Variants in IRX2 observed in about 807,000 individuals in gnomAD.
IRX2 encodes the protein iroquois-class homeodomain protein IRX-2.
IRX2 carries 26 observed loss-of-function variants against 42.9 expected under a neutral mutation model. That is an observed-to-expected ratio of 0.61 (90% confidence interval 0.44 to 0.84). IRX2 has a LOEUF of 0.84. Among genes scored for constraint, IRX2 ranks in the 40% least tolerant of loss-of-function variants. The pLI is 0.00. For synonymous variants in IRX2, 424 were observed against 353.9 expected (o/e 1.20, Z -2.22); for missense variants, 782 against 713.9 (o/e 1.10, Z -1.09).
downstream of IRX2, among the ~76,000 whole-genome samples, chr5:2,741,279 C>T (rs2962563): frequency 0.72 from 110,092 of 152,180 alleles, 40,873 homozygotes; most frequent in Non-Finnish European, 0.81. Context: ...AGACCTGTGG[C>T]TGCTGCCAGC....
At chr5:2,742,830 T>C (rs1325304193), downstream of IRX2, among the ~76,000 whole-genome samples, 1 of 152,198 alleles carries the variant, frequency 6.6e-6, no homozygotes, top group Non-Finnish European at 1.5e-5. Context: ...TGATGTCTGT[T>C]TAATTAGGCT....
chr5:2,738,415 G>A, the IRX2 span, among the ~76,000 whole-genome samples: 1 of 152,206 alleles, frequency 6.6e-6, no homozygotes, highest in Admixed American at 6.5e-5. Flanking sequence ...GAGCCAGGGA[G>A]AATAAACCTG....
intron 3 of IRX2, among the ~76,000 whole-genome samples, chr5:2,748,117 T>C (rs1192342328): frequency 2.6e-5 from 4 of 152,270 alleles, no homozygotes; most frequent in Middle Eastern, 3.4e-3. Context: ...ATAGTCAAAA[T>C]AACAGTAAAT....
rs769955868 is a variant in IRX2 at position 2,748,995 on chromosome 5, C to T, written c.713G>A (p.Gly238Glu). 1.9e-6 allele frequency: 3 copies of T among 1,597,542 alleles called. No homozygotes were observed. Among genetic ancestry groups the T allele is most frequent in the South Asian group, 1.1e-5 (1 of 90,912 alleles). The part of the protein sequence containing the change: ...TDHSCSAESD[G>E]EKLPCRAGDP... ...CCCGGCGCGGCACGGAAGCTTCTCC[C>T]CGTCCGACTCGGCCGAGCACGAGTG... The change falls in exon 3 of 4, where the codon GGG becomes GAG. Residue 238 changes from glycine (G) to glutamate (E), a missense_variant. Physicochemically the swap from Gly to Glu is moderately conservative, Grantham distance 98. Transcript: ENST00000302057.
At chr5:2,743,663 A>T (rs536506293), downstream of IRX2, among the ~76,000 whole-genome samples, 4 of 152,186 alleles carry the variant, frequency 2.6e-5, no homozygotes, top group East Asian at 7.7e-4. Flanking sequence ...GCAAACTTCT[A>T]TCTTGGAGGG....
the IRX2 span, chr5:2,737,424 G>T: frequency 1.3e-5 from 2 of 152,194 alleles, no homozygotes; most frequent in African/African-American, 4.8e-5. Context: ...TTCTGTGCCC[G>T]CTGGCCTTCC....
intron 1 of IRX2, 145 bp from the exon 2 acceptor site, chr5:2,749,932 G>C (rs927487705): frequency 2.5e-6 from 2 of 813,062 alleles, no homozygotes; most frequent in African/African-American, 3.5e-5. Context: ...CAAAAGAGCA[G>C]GAAAAACGCA....
chr5:2,742,034 G>A (rs1450061956), downstream of IRX2, among the ~76,000 whole-genome samples: 1 of 152,182 alleles, frequency 6.6e-6, no homozygotes, highest in African/African-American at 2.4e-5. Context: ...TAGAAAGAGA[G>A]AGAACACTCT....
chr5:2,748,862 G>T lies in IRX2; in HGVS notation c.846C>A (p.Pro282=). Residue 282 remains proline, a synonymous_variant, in exon 3 of 4, where the codon CCC becomes CCA. Transcript: ENST00000302057. ...EGERGLAPPK[P]VTSSPLTGLE... Reference sequence around the variant, plus strand: ...AGCCGGTAAGCGGCGACGAGGTCACGGGCTTGGGCGGCGCCAGGCCCCGCT... The same window carrying T: ...AGCCGGTAAGCGGCGACGAGGTCACTGGCTTGGGCGGCGCCAGGCCCCGCT... 6.3e-7 allele frequency: 1 copy of T among 1,587,474 alleles called. No homozygotes were observed. Among genetic ancestry groups the T allele is most frequent in the Non-Finnish European group, 8.5e-7 (1 of 1,175,904 alleles).
chr5:2,736,214 G>A, the IRX2 span, among the ~76,000 whole-genome samples: 1 of 152,164 alleles, frequency 6.6e-6, no homozygotes, highest in Non-Finnish European at 1.5e-5. Flanking sequence ...GGAGGATGAG[G>A]TTCAGCAGGG....
At chr5:2,744,097 T>C (rs1579622037), downstream of IRX2, among the ~76,000 whole-genome samples, 1 of 151,660 alleles carries the variant, frequency 6.6e-6, no homozygotes, top group East Asian at 1.9e-4. Context: ...TGTGTGTGTG[T>C]GTGTGTGTGT....
chr5:2,739,828 G>T, the IRX2 span, among the ~76,000 whole-genome samples: 1 of 152,232 alleles, frequency 6.6e-6, no homozygotes, highest in Non-Finnish European at 1.5e-5. Context: ...CGGGAGCAGG[G>T]GGACTGGGAG....
rs775726682 is a variant in IRX2, at chr5:2,751,249, C to T, written c.165G>A (p.Thr55=). Reference sequence around the variant, plus strand: ...TCCCGAAGCCGGTGGCCGCCTGCGCCGTGAAGGCCGCCGAGCCCGGGTAGG... The same window carrying T: ...TCCCGAAGCCGGTGGCCGCCTGCGCTGTGAAGGCCGCCGAGCCCGGGTAGG... ...FSPYPGSAAF[T]AQAATGFGSP... The change falls in exon 1 of 4, where the codon ACG becomes ACA. Residue 55 remains threonine, a synonymous_variant. Transcript: ENST00000302057. This position sits in a 1 kb window ranked among gnomAD's most constrained non-coding sequence, Gnocchi z 4.0. 2 of 1,400,354 alleles carry T rather than the reference C, an allele frequency of 1.4e-6. No individual in the cohort carries two copies. The highest frequency in any genetic ancestry group is 2.8e-5 in the Admixed American group (1 of 35,940). 86.7% of individuals were successfully genotyped at this position (1,400,354 alleles called of 1,614,324 possible). A position where few individuals can be genotyped will look rare whatever the true frequency, so the allele number is the denominator to read the frequency against.
downstream of IRX2, among the ~76,000 whole-genome samples, chr5:2,742,698 T>C (rs1271581125): frequency 6.6e-6 from 1 of 152,252 alleles, no homozygotes; most frequent in Non-Finnish European, 1.5e-5. Context: ...TATATAGTGA[T>C]AATTATTGTA....
the IRX2 span, among the ~76,000 whole-genome samples, chr5:2,739,691 G>A: frequency 1.3e-5 from 2 of 152,196 alleles, no homozygotes; most frequent in African/African-American, 4.8e-5. Flanking sequence ...GTTTCCCGGC[G>A]CTCTGCGGCG....
In IRX2 at chr5:2,748,925, G is replaced by C. The variant is rs747472490; in HGVS notation, c.783C>G (p.Asp261Glu). The change falls in exon 3 of 4, where the codon GAC (aspartate) becomes GAG (glutamate). Residue 261 changes from aspartate to glutamate, a missense_variant. Transcript: ENST00000302057. ...ESGSECKDKYDDLEDDEDDDE... is the reference protein window; with the variant it reads ...ESGSECKDKYEDLEDDEDDDE... ...CGTCGTCCTCGTCGTCCTCCAGGTC[G>C]TCATACTTGTCCTTGCACTCCGAGC... The C allele has an allele frequency of 2.4e-5, 38 of 1,596,372 alleles. No individual in the cohort carries two copies. In the South Asian group the frequency reaches 3.9e-4, roughly 16 times the overall value.
At chr5:2,750,831 G>A (rs1452098861) in intron 1 of IRX2, among the ~76,000 whole-genome samples, 1 of 152,204 alleles carries the variant, frequency 6.6e-6, no homozygotes, top group African/African-American at 2.4e-5. Context: ...CCCAGGCTGC[G>A]GTGCGGAAAC....
intron 3 of IRX2, 22 bp from the exon 4 acceptor site, chr5:2,747,638 A>T (rs1454205390): frequency 6.2e-7 from 1 of 1,613,016 alleles, no homozygotes; most frequent in East Asian, 2.2e-5. Flanking sequence ...GTGGGCAGTT[A>T]GTCAGAACCG....
At chr5:2,743,836 T>C (rs1737598981), downstream of IRX2, among the ~76,000 whole-genome samples, 1 of 152,226 alleles carries the variant, frequency 6.6e-6, no homozygotes, top group Non-Finnish European at 1.5e-5. Context: ...CACTCTACAT[T>C]TCTTTAAAAA....
Sources: allele counts gnomAD v4.1 joint callset (sites outside exome capture counted in the v4.1 genomes callset), GRCh38; gene constraint gnomAD v4.1.1; non-coding constraint Gnocchi (gnomAD v3.1); transcripts MANE v1.5; gene names NCBI Gene and HGNC (gene_info 2026-07-23, HGNC 2026-07-21).